KPNA1: variants seen among roughly 807,000 people sequenced by gnomAD.
The protein encoded by KPNA1 is karyopherin subunit alpha 1.
KPNA1 carries 10 observed loss-of-function variants against 70.5 expected under a neutral mutation model. The observed-to-expected ratio is 0.14, with a 90% CI of 0.09 to 0.24. KPNA1 has a LOEUF of 0.24. Ranked by LOEUF, KPNA1 falls within the 10% of genes least tolerant of loss-of-function variation. KPNA1 has a pLI of 1.00. For missense variants in KPNA1, 397 were observed against 637.9 expected (o/e 0.62, Z 4.07); for synonymous variants, 192 against 221.9 (o/e 0.87, Z 1.20).
At chr3:122,501,466 T>C (rs1458069482) in intron 1 of KPNA1, among the ~76,000 whole-genome samples, 4 of 152,254 alleles carry the variant, frequency 2.6e-5, no homozygotes, top group Non-Finnish European at 5.9e-5. Flanking sequence ...GATTTCTTCA[T>C]GGACCCATCA....
intron 9 of KPNA1, among the ~76,000 whole-genome samples, chr3:122,445,883 T>C (rs2076130528): frequency 6.6e-6 from 1 of 151,996 alleles, no homozygotes; most frequent in Admixed American, 6.6e-5. Flanking sequence ...TAGTCTCTGA[T>C]AAAACAAACT....
chr3:122,477,748 C>A (rs2076519046), intron 2 of KPNA1, among the ~76,000 whole-genome samples: 1 of 151,844 alleles, frequency 6.6e-6, no homozygotes, highest in Admixed American at 6.6e-5. Flanking sequence ...ATGAGATGAT[C>A]TGTATATTAA....
intron 13 of KPNA1, 88 bp from the exon 14 acceptor site, chr3:122,427,260 G>A: frequency 1.0e-6 from 1 of 965,916 alleles, no homozygotes; most frequent in Non-Finnish European, 1.5e-6. Flanking sequence ...ACTATATTTT[G>A]TCATATATCT....
At position 122,424,196 on chromosome 3, in the gene KPNA1, C is replaced by CT. The variant is rs764677684; in HGVS notation, c.*2788dup. On this transcript the variant is annotated 3_prime_UTR_variant, in exon 14 of 14. Coordinates refer to ENST00000344337, the MANE Select transcript of KPNA1 (RefSeq NM_002264.4). ...AAAAAGGAAAAGTAAAACAAAGTCACTTTCCCCAATCCATATATAAAACTA... is the reference window on the plus strand; with the variant it reads ...AAAAAGGAAAAGTAAAACAAAGTCACTTTTCCCCAATCCATATATAAAACTA... 7.9e-5 allele frequency: 12 copies of CT among 152,286 alleles called. No individual in the cohort carries two copies. The highest frequency in any genetic ancestry group is 1.8e-4 in the Non-Finnish European group (12 of 68,016). The allele number at this position is 152,286 out of a possible 1,614,324, so 9.4% of individuals were successfully genotyped here.
intron 2 of KPNA1, among the ~76,000 whole-genome samples, chr3:122,485,214 C>A (rs2076616248): frequency 6.6e-6 from 1 of 151,942 alleles, no homozygotes; most frequent in African/African-American, 2.4e-5. Context: ...GCACCCAGAC[C>A]AAAACAATTT....
At chr3:122,481,545 G>A (rs2076570751) in intron 2 of KPNA1, among the ~76,000 whole-genome samples, 2 of 152,204 alleles carry the variant, frequency 1.3e-5, no homozygotes, top group South Asian at 2.1e-4. Flanking sequence ...GAGAGTGACT[G>A]CTAATGGGCA....
rs190928770 is a variant in KPNA1 at position 122,444,872 on chromosome 3, C to A, written c.918-2756G>T. The stretch of plus-strand genomic sequence containing the variant: ...ATAGCATCAACATCAACAAAAAGGA[C>A]ACCCACACCAAAACCTCATCTGTAG... On this transcript the variant is annotated intron_variant, in intron 9 of 13. Coordinates refer to ENST00000344337, the MANE Select transcript of KPNA1 (RefSeq NM_002264.4). 1.5e-4 allele frequency among the ~76,000 whole-genome samples: 23 copies of A among 152,330 alleles called. No homozygotes were observed. The East Asian group carries it at 4.2e-3, about 28-fold the overall frequency.
rs371531212 is a variant in KPNA1, at chr3:122,451,528, C to T, written c.753+6G>A. 1.3e-5 allele frequency: 20 copies of T among 1,576,494 alleles called. No homozygotes were observed. Among genetic ancestry groups the T allele is most frequent in the Non-Finnish European group, 1.6e-5 (18 of 1,146,468 alleles). On this transcript the variant is annotated splice_donor_region_variant and intron_variant, in intron 8 of 13. Transcript: ENST00000344337. The stretch of plus-strand genomic sequence containing the variant: ...TCTGCCAATGTCCCAAAAGCATAGT[C>T]CTTACCTTTGCAAATTCTGGAGGTG...
chr3:122,491,888 G>GTTTC (rs1341507577), intron 2 of KPNA1, among the ~76,000 whole-genome samples: 1 of 101,736 alleles, frequency 9.8e-6, no homozygotes, highest in African/African-American at 3.7e-5. Context: ...TTGAGACGGA[G>GTTTC]TTTCGCTCTG....
intron 2 of KPNA1, among the ~76,000 whole-genome samples, chr3:122,477,653 C>T (rs1424911420): frequency 3.3e-5 from 5 of 152,038 alleles, no homozygotes; most frequent in African/African-American, 4.8e-5. Flanking sequence ...TGCACTCCAG[C>T]CTGGGCGACA....
intron 5 of KPNA1, among the ~76,000 whole-genome samples, chr3:122,454,736 A>G (rs2107739410): frequency 6.6e-6 from 1 of 152,206 alleles, no homozygotes; most frequent in East Asian, 1.9e-4. Context: ...AGAGCTCCAA[A>G]CCAAAATACA....
At chr3:122,502,014 C>T (rs1343337154) in intron 1 of KPNA1, among the ~76,000 whole-genome samples, 1 of 152,158 alleles carries the variant, frequency 6.6e-6, no homozygotes, top group African/African-American at 2.4e-5. Flanking sequence ...ATTACATATA[C>T]GAACATGATT....
intron 12 of KPNA1, among the ~76,000 whole-genome samples, chr3:122,432,095 C>A (rs2075918622): frequency 6.6e-6 from 1 of 152,200 alleles, no homozygotes; most frequent in South Asian, 2.1e-4. Flanking sequence ...AGCCGCTGCA[C>A]CCGGCCTGGC....
At chr3:122,454,040 T>C in intron 5 of KPNA1, 39 bp from the exon 6 acceptor site, 2 of 1,422,226 alleles carry the variant, frequency 1.4e-6, no homozygotes, top group African/African-American at 1.4e-5. Context: ...CTTTTTAGAA[T>C]GTAAAAGTTT....
intron 1 of KPNA1, among the ~76,000 whole-genome samples, chr3:122,502,983 AGCTACT>A (rs2076846952): frequency 6.6e-6 from 1 of 152,138 alleles, no homozygotes; most frequent in South Asian, 2.1e-4. Flanking sequence ...CTGTGGTCCC[AGCTACT>A]TGGGAGGCTG....
At chr3:122,442,236 T>A in intron 9 of KPNA1, 120 bp from the exon 10 acceptor site, 3 of 709,550 alleles carry the variant, frequency 4.2e-6, no homozygotes, top group Non-Finnish European at 7.5e-6. Flanking sequence ...AATGTACCCA[T>A]GGGGCTAATT....
intron 2 of KPNA1, among the ~76,000 whole-genome samples, chr3:122,478,894 C>CAAAAAAA (rs57843662): frequency 2.1e-4 from 4 of 18,692 alleles, no homozygotes; most frequent in African/African-American, 2.7e-4. Flanking sequence ...AACCTCGTCT[C>CAAAAAAA]AAAAAAAAAA....
intron 3 of KPNA1, among the ~76,000 whole-genome samples, chr3:122,464,964 T>TCC: frequency 1.3e-5 from 2 of 152,288 alleles, no homozygotes; most frequent in East Asian, 3.9e-4. Context: ...CAAGACTGAT[T>TCC]CCTAAATCAA....
rs902493174 is a variant in KPNA1, at chr3:122,459,574, C to A, written c.432+1650G>T. On this transcript the variant is annotated intron_variant, in intron 5 of 13. Transcript: ENST00000344337. ...GTTGGTTGTCTGGATTTCCTTTTAT[C>A]CTGAGAAAAGTCTCTCTTCCCTTGC... The A allele has an allele frequency of 7.1e-6, 7 of 985,268 alleles. No individual in the cohort carries two copies. In the African/African-American group the frequency reaches 8.7e-5, roughly 12 times the overall value. 61.0% of individuals were successfully genotyped at this position (985,268 alleles called of 1,614,324 possible).
Sources: allele counts gnomAD v4.1 joint callset (sites outside exome capture counted in the v4.1 genomes callset), GRCh38; gene constraint gnomAD v4.1.1; transcripts MANE v1.5; gene names NCBI Gene and HGNC (gene_info 2026-07-23, HGNC 2026-07-21).